Variants in CNR2 observed in about 807,000 individuals in gnomAD.
CNR2 encodes cannabinoid receptor 2 (macrophage).
For synonymous variants in CNR2, 172 were observed against 182.2 expected (o/e 0.94, Z 0.45); for missense variants, 379 against 439.9 (o/e 0.86, Z 1.24).
intron 1 of CNR2, among the ~76,000 whole-genome samples, chr1:23,902,899 G>A (rs1391033105): frequency 1.3e-5 from 2 of 151,130 alleles, no homozygotes; most frequent in Non-Finnish European, 3.0e-5. Flanking sequence ...TGGCGGGGAC[G>A]TAGAGCTCCG....
Position 23,872,114 on chromosome 1 carries a change from C to T in CNR2, c.*2421G>A, listed in dbSNP as rs1639773444. 2.4e-5 allele frequency: 2 copies of T among 84,378 alleles called. No individual in the cohort carries two copies. Among genetic ancestry groups the T allele is most frequent in the Non-Finnish European group, 4.2e-5 (2 of 47,900 alleles). The allele number at this position is 84,378 out of a possible 1,614,324, so 5.2% of individuals were successfully genotyped here. On this transcript the variant is annotated 3_prime_UTR_variant, in exon 2 of 2. Transcript: ENST00000374472. ...TGTCACTGCACTCCTGCCTGGACAA[C>T]AGAATGAGATTCCGTCTCAAAAAAA...
At chr1:23,876,591 T>C (rs1370962362) in intron 1 of CNR2, among the ~76,000 whole-genome samples, 1 of 151,696 alleles carries the variant, frequency 6.6e-6, no homozygotes, top group African/African-American at 2.4e-5. Flanking sequence ...ATCCCAACAC[T>C]TGGGGAGGCT....
chr1:23,902,339 C>A (rs1037365239), intron 1 of CNR2: 2 of 1,570,680 alleles, frequency 1.3e-6, no homozygotes, highest in South Asian at 2.3e-5. Flanking sequence ...GGTCGGGCTC[C>A]TCAAACAGCC....
chr1:23,896,717 A>C (rs1246116005), intron 1 of CNR2, among the ~76,000 whole-genome samples: 1 of 152,130 alleles, frequency 6.6e-6, no homozygotes, highest in Non-Finnish European at 1.5e-5. Flanking sequence ...AAAGAACAGG[A>C]AGCTGAGATT....
intron 1 of CNR2, among the ~76,000 whole-genome samples, chr1:23,903,169 A>C (rs376144847): frequency 5.9e-5 from 9 of 152,112 alleles, no homozygotes; most frequent in East Asian, 1.9e-4. Context: ...AGCCTAGCCT[A>C]GCGCAGCCGG....
At chr1:23,901,796 G>A in intron 1 of CNR2, 1 of 1,563,318 alleles carries the variant, frequency 6.4e-7, no homozygotes, top group Non-Finnish European at 8.8e-7. Context: ...CCCAGAGCTG[G>A]ACCCACACAG....
At chr1:23,911,311 A>G (rs909964244) in intron 1 of CNR2, among the ~76,000 whole-genome samples, 2 of 152,056 alleles carry the variant, frequency 1.3e-5, no homozygotes, top group African/African-American at 2.4e-5. Flanking sequence ...ACTGGGTGAT[A>G]TATCCTGGAT....
At position 23,898,364 on chromosome 1, in the gene CNR2, T is replaced by A. The variant is rs1640325197; in HGVS notation, c.-46+14882A>T. 3.3e-5 allele frequency among the ~76,000 whole-genome samples: 3 copies of A among 91,298 alleles called. No homozygotes were observed. The South Asian group carries it at 1.2e-3, about 36-fold the overall frequency. The allele number at this position is 91,298 out of a possible 152,430, so 59.9% of individuals were successfully genotyped here. On this transcript the variant is annotated intron_variant, in intron 1 of 1. Coordinates refer to ENST00000374472, the MANE Select transcript of CNR2 (RefSeq NM_001841.3). ...TTTTTTTTTTTTTTTTTTTTTGAGA[T>A]GGAGTCTTGTTCTGTTGCCCAGGCT...
chr1:23,876,261 C>T (rs975879901), intron 1 of CNR2, among the ~76,000 whole-genome samples: 5 of 151,640 alleles, frequency 3.3e-5, no homozygotes, highest in Admixed American at 6.6e-5. Context: ...GGCTGGAGTG[C>T]AGTGGTGTGA....
intron 1 of CNR2, among the ~76,000 whole-genome samples, chr1:23,901,074 G>A (rs528006993): frequency 4.7e-4 from 72 of 152,056 alleles, no homozygotes; most frequent in African/African-American, 1.6e-3. Flanking sequence ...TATTACAGAA[G>A]TCCCTTATTT....
intron 1 of CNR2, among the ~76,000 whole-genome samples, chr1:23,897,579 A>G (rs567507816): frequency 6.6e-6 from 1 of 151,722 alleles, no homozygotes; most frequent in Non-Finnish European, 1.5e-5. Context: ...GTTTCAAGCA[A>G]TTCTTCCACC....
chr1:23,874,977 C>A lies in CNR2; in HGVS notation c.641G>T (p.Trp214Leu). The A allele has an allele frequency of 6.2e-7, 1 of 1,609,844 alleles. No homozygotes were observed. Among genetic ancestry groups the A allele is most frequent in the South Asian group, 1.1e-5 (1 of 90,534 alleles). ...GIIYTYGHVL[W>L]KAHQHVASLS... ...GCTGGCCACATGCTGATGGGCCTTC[C>A]AGAGAACATGCCCATAGGTGTAGAT... is the stretch of plus-strand genomic sequence containing the variant. The change falls in exon 2 of 2, where the codon TGG becomes TTG. Residue 214 changes from tryptophan to leucine, a missense_variant. Transcript: ENST00000374472.
intron 1 of CNR2, among the ~76,000 whole-genome samples, chr1:23,895,373 C>G (rs1640262341): frequency 6.6e-6 from 1 of 152,182 alleles, no homozygotes; most frequent in South Asian, 2.1e-4. Flanking sequence ...TTTACACAGC[C>G]TGGGAAGGCT....
chr1:23,881,739 A>C (rs1181021365), intron 1 of CNR2, among the ~76,000 whole-genome samples: 1 of 149,278 alleles, frequency 6.7e-6, no homozygotes. Flanking sequence ...AAATACAAAA[A>C]ATTAGCTGGG....
chr1:23,874,136 T>G lies in CNR2; in HGVS notation c.*399A>C. On this transcript the variant is annotated 3_prime_UTR_variant, in exon 2 of 2. Coordinates refer to ENST00000374472, the MANE Select transcript of CNR2 (RefSeq NM_001841.3). Reference sequence around the variant, plus strand: ...GGCAGAGAGAAGACCTGGATGTCCATCCCATCTGATACCCTGACTTCCCAA... The same window carrying G: ...GGCAGAGAGAAGACCTGGATGTCCAGCCCATCTGATACCCTGACTTCCCAA... The G allele has an allele frequency of 5.5e-6, 1 of 181,226 alleles. No homozygotes were observed. Among genetic ancestry groups the G allele is most frequent in the South Asian group, 1.2e-4 (1 of 8,002 alleles). The allele number at this position is 181,226 out of a possible 1,614,324, so 11.2% of individuals were successfully genotyped here.
At chr1:23,908,555 CA>C (rs1640536291) in intron 1 of CNR2, among the ~76,000 whole-genome samples, 1 of 152,174 alleles carries the variant, frequency 6.6e-6, no homozygotes, top group Non-Finnish European at 1.5e-5. Context: ...CCTTCTGGAA[CA>C]TCTCCCTCCC....
Position 23,874,760 on chromosome 1 carries a change from C to T in CNR2, c.858G>A (p.Met286Ile). The T allele has an allele frequency of 6.2e-7, 1 of 1,614,174 alleles. No homozygotes were observed. The highest frequency in any genetic ancestry group is 1.1e-5 in the South Asian group (1 of 91,076). Residue 286 changes from methionine (M) to isoleucine (I), a missense_variant, in exon 2 of 2, where the codon ATG (methionine) becomes ATA (isoleucine). Physicochemically the swap from Met to Ile is conservative, Grantham distance 10. Coordinates refer to ENST00000374472, the MANE Select transcript of CNR2 (RefSeq NM_001841.3). ...TGACCATGGAGTTGATGAGGCACAG[C>T]ATGGAGCAGAAAGCAAAGGCCTTCT... Reference protein sequence around the residue: ...QVKKAFAFCSMLCLINSMVNP... With the variant: ...QVKKAFAFCSILCLINSMVNP...
Position 23,882,300 on chromosome 1 carries a change from G to A in CNR2, c.-45-6638C>T, listed in dbSNP as rs566518669. Among the ~76,000 whole-genome samples the A allele has an allele frequency of 3.3e-5, 5 of 152,194 alleles. No individual in the cohort carries two copies. The South Asian group carries it at 1.0e-3, about 32-fold the overall frequency. On this transcript the variant is annotated intron_variant, in intron 1 of 1. Coordinates refer to ENST00000374472, the MANE Select transcript of CNR2 (RefSeq NM_001841.3). ...CGTGATGACTGGTTTTCACGCTCAC[G>A]TGTGAGATGTTCCTCAAACCTATGA...
chr1:23,910,654 CAAA>C (rs34083515), intron 1 of CNR2, among the ~76,000 whole-genome samples: 4 of 32,196 alleles, frequency 1.2e-4, no homozygotes, highest in African/African-American at 1.7e-4. Flanking sequence ...AACGCTGTCT[CAAA>C]AAAAAAAAAA....
Sources: allele counts gnomAD v4.1 joint callset (sites outside exome capture counted in the v4.1 genomes callset), GRCh38; gene constraint gnomAD v4.1.1; transcripts MANE v1.5; gene names NCBI Gene and HGNC (gene_info 2026-07-23, HGNC 2026-07-21).